The following TMEM163 variants were observed in gnomAD, a reference collection of about 807,000 sequenced individuals.
The protein encoded by TMEM163 is transmembrane protein 163.
Under a neutral mutation model 29.3 loss-of-function variants are expected in TMEM163, and 17 were observed. The observed-to-expected ratio is 0.58, with a 90% CI of 0.40 to 0.87. TMEM163 has a LOEUF of 0.87. Among genes scored for constraint, TMEM163 ranks in the 40% least tolerant of loss-of-function variants. The probability of loss-of-function intolerance (pLI) is 0.00; values close to 1 mark genes in which losing one functional copy is unlikely to be tolerated. For synonymous variants in TMEM163, 157 were observed against 160.6 expected (o/e 0.98, Z 0.17); for missense variants, 303 against 381.5 (o/e 0.79, Z 1.71).
Position 134,625,123 on chromosome 2 carries a change from T to A in TMEM163, c.323-73032A>T, listed in dbSNP as rs139062789. Among the ~76,000 whole-genome samples the A allele has an allele frequency of 8.6e-4, 131 of 152,116 alleles. 1 individual carries two copies. The highest frequency in any genetic ancestry group is 3.1e-3 in the African/African-American group (127 of 41,496). Reference sequence around the variant, plus strand: ...ATATGTGGGTACATGCTTATCTGAGTTACAGAGAAAGGGAGAGAGAAAGAG... The same window carrying A: ...ATATGTGGGTACATGCTTATCTGAGATACAGAGAAAGGGAGAGAGAAAGAG... On this transcript the variant is annotated intron_variant, in intron 2 of 7. Coordinates refer to ENST00000281924, the MANE Select transcript of TMEM163 (RefSeq NM_030923.5).
At chr2:134,643,799 A>C (rs1237518035) in intron 2 of TMEM163, among the ~76,000 whole-genome samples, 1 of 152,088 alleles carries the variant, frequency 6.6e-6, no homozygotes, top group Non-Finnish European at 1.5e-5. Flanking sequence ...AAAGGCATAC[A>C]GATAGGAAAG....
chr2:134,611,535 G>C (rs555030891), intron 2 of TMEM163, among the ~76,000 whole-genome samples: 63 of 152,158 alleles, frequency 4.1e-4, no homozygotes, highest in Non-Finnish European at 8.4e-4. Context: ...AATTGACCTA[G>C]TCATGACATA....
intron 7 of TMEM163, among the ~76,000 whole-genome samples, chr2:134,457,817 G>C (rs962375841): frequency 4.6e-5 from 7 of 152,212 alleles, no homozygotes; most frequent in African/African-American, 1.7e-4. Flanking sequence ...TTAAAGGCCT[G>C]ATACCTCTTG....
intron 5 of TMEM163, among the ~76,000 whole-genome samples, chr2:134,485,718 A>G (rs1475223847): frequency 2.6e-5 from 4 of 152,218 alleles, no homozygotes; most frequent in African/African-American, 7.2e-5. Context: ...CAAAATGCCT[A>G]TATATTGAAT....
At chr2:134,467,590 A>C (rs952911012) in intron 5 of TMEM163, 1 of 152,236 alleles carries the variant, frequency 6.6e-6, no homozygotes, top group Non-Finnish European at 1.5e-5. Flanking sequence ...CTCACGTGTC[A>C]AGGTCATGAA....
chr2:134,527,203 T>C (rs1232020515), intron 4 of TMEM163, among the ~76,000 whole-genome samples: 3 of 152,206 alleles, frequency 2.0e-5, no homozygotes, highest in Non-Finnish European at 4.4e-5. Flanking sequence ...TCCATCTCCT[T>C]TCACTTGCCC....
chr2:134,609,560 G>A (rs113137555), intron 2 of TMEM163, among the ~76,000 whole-genome samples: 12 of 94,012 alleles, frequency 1.3e-4, no homozygotes, highest in African/African-American at 3.1e-4. Flanking sequence ...GACAGACCCC[G>A]AGAACTGTAC....
chr2:134,536,022 CTTGT>C (rs1188835430), intron 4 of TMEM163, among the ~76,000 whole-genome samples: 2 of 152,136 alleles, frequency 1.3e-5, no homozygotes. Context: ...CGCGCCCAGC[CTTGT>C]TTGTATGTTT....
Position 134,661,925 on chromosome 2 carries a change from C to CTTTTTTTT in TMEM163, c.322+51274_322+51275insAAAAAAAA, listed in dbSNP as rs201436466. Among the ~76,000 whole-genome samples, 158 of 79,050 alleles carry CTTTTTTTT rather than the reference C, an allele frequency of 2.0e-3. 31 individuals are homozygous for CTTTTTTTT. The highest frequency in any genetic ancestry group is 4.1e-3 in the African/African-American group (69 of 16,988). The allele number at this position is 79,050 out of a possible 152,430, so 51.9% of individuals were successfully genotyped here. ...AAGTTTTCATGGATTCATTAATTTT[C>CTTTTTTTT]TTTCTTTTTTTTTTTTTTTTTTTTG... On this transcript the variant is annotated intron_variant, in intron 2 of 7. Transcript: ENST00000281924.
chr2:134,474,915 C>A (rs1280156945), intron 5 of TMEM163, among the ~76,000 whole-genome samples: 1 of 152,056 alleles, frequency 6.6e-6, no homozygotes, highest in Non-Finnish European at 1.5e-5. Context: ...TCTCCCCAAA[C>A]CGATCTGGAT....
chr2:134,477,812 C>T (rs1186976446), intron 5 of TMEM163, among the ~76,000 whole-genome samples: 1 of 152,110 alleles, frequency 6.6e-6, no homozygotes, highest in Non-Finnish European at 1.5e-5. Flanking sequence ...CTTTTCTGTC[C>T]CTCCCATCCC....
intron 2 of TMEM163, among the ~76,000 whole-genome samples, chr2:134,647,498 G>A (rs1473699882): frequency 6.6e-6 from 1 of 152,100 alleles, no homozygotes; most frequent in Admixed American, 6.5e-5. Flanking sequence ...TTTGCATCTG[G>A]ACCCTCAATC....
chr2:134,541,779 C>CGT, intron 4 of TMEM163, among the ~76,000 whole-genome samples: 1 of 87,262 alleles, frequency 1.1e-5, no homozygotes, highest in South Asian at 4.6e-4. Flanking sequence ...CGTGCACACA[C>CGT]ACACACACAC....
intron 2 of TMEM163, among the ~76,000 whole-genome samples, chr2:134,567,770 A>C (rs1681328963): frequency 6.6e-6 from 1 of 152,226 alleles, no homozygotes; most frequent in Non-Finnish European, 1.5e-5. Flanking sequence ...CTCCATTTGC[A>C]ACAAAACCTT....
At chr2:134,627,267 C>A (rs1682873447) in intron 2 of TMEM163, among the ~76,000 whole-genome samples, 1 of 152,098 alleles carries the variant, frequency 6.6e-6, no homozygotes, top group African/African-American at 2.4e-5. Flanking sequence ...TTTTTAATTT[C>A]ATCCCTTATA....
At chr2:134,470,042 C>A (rs1210744408) in intron 5 of TMEM163, 1 of 152,276 alleles carries the variant, frequency 6.6e-6, no homozygotes, top group Non-Finnish European at 1.5e-5. Context: ...GGGTTTGCTT[C>A]CCTGCCTGAA....
At chr2:134,495,006 CCT>C (rs1432206733) in intron 5 of TMEM163, among the ~76,000 whole-genome samples, 1 of 146,886 alleles carries the variant, frequency 6.8e-6, no homozygotes, top group Non-Finnish European at 1.5e-5. Flanking sequence ...GTTCTCCCTC[CCT>C]CTGTCAAACG....
At chr2:134,543,198 G>C (rs1318321701) in intron 4 of TMEM163, among the ~76,000 whole-genome samples, 1 of 152,188 alleles carries the variant, frequency 6.6e-6, no homozygotes, top group Non-Finnish European at 1.5e-5. Flanking sequence ...TGTCATGTCT[G>C]TGTTGTGCCT....
At chr2:134,659,490 A>T (rs1027640281) in intron 2 of TMEM163, among the ~76,000 whole-genome samples, 1 of 152,132 alleles carries the variant, frequency 6.6e-6, no homozygotes, top group African/African-American at 2.4e-5. Context: ...CCTCATGAGC[A>T]AGTGTGGATG....
Sources: gnomAD v4.1 joint callset for allele counts (sites outside exome capture counted in the v4.1 genomes callset) on GRCh38, gnomAD v4.1.1 for gene constraint, MANE v1.5 for transcripts, NCBI Gene and HGNC (gene_info 2026-07-23, HGNC 2026-07-21) for gene names.